The following ELFN2 variants were observed in gnomAD, a reference collection of about 807,000 sequenced individuals.
ELFN2 encodes the protein protein phosphatase 1 regulatory subunit 29.
A neutral mutation model predicts 45.5 loss-of-function variants in ELFN2; 17 were observed. The ratio of observed to expected loss-of-function variants is 0.37; its 90% CI spans 0.26 to 0.56. The LOEUF (loss-of-function observed/expected upper bound fraction) is 0.56, where lower values mean the gene tolerates loss of function less well. Ranked by LOEUF, ELFN2 falls within the 20% of genes least tolerant of loss-of-function variation. ELFN2 has a pLI of 0.77. For synonymous variants in ELFN2, 550 were observed against 551.5 expected (o/e 1.00, Z 0.04); for missense variants, 922 against 1,183.2 (o/e 0.78, Z 3.24).
Position 37,372,786 on chromosome 22 carries a change from C to T in ELFN2, c.*286G>A. 1 of 360,958 alleles carries T rather than the reference C, an allele frequency of 2.8e-6. No homozygotes were observed. Among genetic ancestry groups the T allele is most frequent in the Non-Finnish European group, 5.1e-6 (1 of 197,588 alleles). The allele number at this position is 360,958 out of a possible 1,614,324, so 22.4% of individuals were successfully genotyped here. A position where few individuals can be genotyped will look rare whatever the true frequency, so the allele number is the denominator to read the frequency against. ...GCCAGCCCCCCGGCCCTGCACACCC[C>T]AGCAGAGTCCCTGGGCAGCACAGTA... On this transcript the variant is annotated 3_prime_UTR_variant, in exon 3 of 3. Coordinates refer to ENST00000402918, the MANE Select transcript of ELFN2 (RefSeq NM_052906.5). The surrounding 1 kb of genome is among the most constrained non-coding windows in gnomAD (Gnocchi z 4.4).
chr22:37,417,208 C>T lies in ELFN2; in HGVS notation c.-463+561G>A, dbSNP rs527594439. ...TTCTGCCTGCCTGTCTGCCTGTTTGCGGCCTCCTAGTGCCAGACGGCTCTC... is the reference window on the plus strand; with the variant it reads ...TTCTGCCTGCCTGTCTGCCTGTTTGTGGCCTCCTAGTGCCAGACGGCTCTC... On this transcript the variant is annotated intron_variant, in intron 2 of 2. Coordinates refer to ENST00000402918, the MANE Select transcript of ELFN2 (RefSeq NM_052906.5). The surrounding 1 kb of genome is among the most constrained non-coding windows in gnomAD (Gnocchi z 4.5). 1.0e-3 allele frequency among the ~76,000 whole-genome samples: 156 copies of T among 152,278 alleles called. No individual in the cohort carries two copies. The highest frequency in any genetic ancestry group is 3.5e-3 in the African/African-American group (145 of 41,574).
At chr22:37,366,208 T>A (rs149391382), downstream of ELFN2, among the ~76,000 whole-genome samples, 1 of 152,194 alleles carries the variant, frequency 6.6e-6, no homozygotes, top group African/African-American at 2.4e-5. Context: ...AAAACATGCA[T>A]GTTAAATGTG....
intron 1 of ELFN2, among the ~76,000 whole-genome samples, chr22:37,351,186 C>T (rs546518977): frequency 6.7e-6 from 1 of 149,308 alleles, no homozygotes; most frequent in South Asian, 2.1e-4. Flanking sequence ...TCCTCCCAGT[C>T]CTTCTCCCAT....
At position 37,371,635 on chromosome 22, in the gene ELFN2, A is replaced by G. The variant is rs1266470483; in HGVS notation, c.*1437T>C. ...CTCACCACCCTCTGCCACCGCCTAC[A>G]TGGACAGAGAACCCCAGAGCCCAAC... On this transcript the variant is annotated 3_prime_UTR_variant, in exon 3 of 3. Transcript: ENST00000402918. This position sits in a 1 kb window ranked among gnomAD's most constrained non-coding sequence, Gnocchi z 6.4. 3 of 152,616 alleles carry G rather than the reference A, an allele frequency of 2.0e-5. No individual in the cohort carries two copies. Among genetic ancestry groups the G allele is most frequent in the Non-Finnish European group, 4.4e-5 (3 of 68,144 alleles). 9.5% of individuals were successfully genotyped at this position (152,616 alleles called of 1,614,324 possible).
intron 2 of ELFN2, among the ~76,000 whole-genome samples, chr22:37,396,338 CCCA>C (rs1449035026): frequency 6.6e-6 from 1 of 152,178 alleles, no homozygotes; most frequent in African/African-American, 2.4e-5. Flanking sequence ...GGGCTGTGTC[CCCA>C]CCATGTCCCC....
intron 2 of ELFN2, among the ~76,000 whole-genome samples, chr22:37,391,917 C>T (rs908629232): frequency 3.9e-5 from 6 of 152,204 alleles, no homozygotes; most frequent in East Asian, 1.9e-4. Context: ...CTGGCCCTCG[C>T]GTGGCTGGGT....
chr22:37,348,782 G>T (rs1930754057), intron 1 of ELFN2, among the ~76,000 whole-genome samples: 2 of 150,632 alleles, frequency 1.3e-5, no homozygotes, highest in Non-Finnish European at 3.0e-5. Context: ...GGGGAAGGTG[G>T]GAGAGGACAT....
intron 1 of ELFN2, among the ~76,000 whole-genome samples, chr22:37,426,352 G>A (rs1224710483): frequency 1.5e-5 from 2 of 135,294 alleles, no homozygotes; most frequent in South Asian, 2.3e-4. Flanking sequence ...ACACGCGCGC[G>A]CGCGCACACA....
At chr22:37,397,711 G>A (rs767262311) in intron 2 of ELFN2, among the ~76,000 whole-genome samples, 5 of 152,182 alleles carry the variant, frequency 3.3e-5, no homozygotes, top group South Asian at 4.1e-4. Flanking sequence ...GCAAGCAGCC[G>A]ACCTGAACCC....
At chr22:37,395,914 C>A (rs931272446) in intron 2 of ELFN2, among the ~76,000 whole-genome samples, 2 of 152,186 alleles carry the variant, frequency 1.3e-5, no homozygotes, top group African/African-American at 4.8e-5. Context: ...GCACCACAGA[C>A]CCAACAGGAA....
rs1392284833 is a variant in ELFN2 at position 37,375,117 on chromosome 22, C to G, written c.418G>C (p.Glu140Gln). 1 of 1,613,786 alleles carries G rather than the reference C, an allele frequency of 6.2e-7. No individual in the cohort carries two copies. Among genetic ancestry groups the G allele is most frequent in the African/African-American group, 1.3e-5 (1 of 75,030 alleles). The part of the protein sequence containing the change: ...QFLFVQHNLI[E>Q]VVTPTAFSEC... ...GAGAAGGCGGTGGGCGTCACCACCT[C>G]GATGAGGTTGTGCTGGACAAAGAGG... The change falls in exon 3 of 3, where the codon GAG becomes CAG. Residue 140 changes from glutamate (E) to glutamine (Q), a missense_variant. This residue lies in a region of ELFN2 where 358 missense variants were observed against 540.4 expected (regional missense o/e 0.66). Transcript: ENST00000402918.
chr22:37,374,743 G>T lies in ELFN2; in HGVS notation c.792C>A (p.Asp264Glu), dbSNP rs144621009. Reference sequence around the variant, plus strand: ...AGTTCTCGTCTGGCTCCCTCTGGGCGTCGGTGGAGTAGGGCGTGGGGTGGC... The same window carrying T: ...AGTTCTCGTCTGGCTCCCTCTGGGCTTCGGTGGAGTAGGGCGTGGGGTGGC... ...PVSHPTPYSTDAQREPDENSG... is the reference protein window; with the variant it reads ...PVSHPTPYSTEAQREPDENSG... The change falls in exon 3 of 3, where the codon GAC (aspartate) becomes GAA (glutamate). Residue 264 changes from aspartate to glutamate, a missense_variant. By Grantham distance (45) the Asp-to-Glu change is conservative (BLOSUM62 2). Coordinates refer to ENST00000402918, the MANE Select transcript of ELFN2 (RefSeq NM_052906.5). 6.2e-7 allele frequency: 1 copy of T among 1,611,226 alleles called. No homozygotes were observed. The highest frequency in any genetic ancestry group is 8.5e-7 in the Non-Finnish European group (1 of 1,179,046).
At chr22:37,378,193 G>A (rs1489282542) in intron 2 of ELFN2, among the ~76,000 whole-genome samples, 1 of 152,242 alleles carries the variant, frequency 6.6e-6, no homozygotes, top group East Asian at 1.9e-4. Context: ...TCAGCTTCGG[G>A]GGCATGTGCT....
At position 37,373,988 on chromosome 22, in the gene ELFN2, C is replaced by T. The variant is rs746549719; in HGVS notation, c.1547G>A (p.Arg516Gln). The part of the protein sequence containing the change: ...RTGAGGDGLA[R>Q]PEDDLPDLEN... The stretch of plus-strand genomic sequence containing the variant: ...GAGGTCCGGGAGGTCATCCTCGGGC[C>T]GAGCCAGACCGTCCCCGCCGGCGCC... The change falls in exon 3 of 3, where the codon CGG (arginine) becomes CAG (glutamine). Residue 516 changes from arginine (R) to glutamine (Q), a missense_variant. Physicochemically the swap from Arg to Gln is conservative, Grantham distance 43. Coordinates refer to ENST00000402918, the MANE Select transcript of ELFN2 (RefSeq NM_052906.5). 16 of 1,612,874 alleles carry T rather than the reference C, an allele frequency of 9.9e-6. No individual in the cohort carries two copies. The highest frequency in any genetic ancestry group is 2.7e-5 in the African/African-American group (2 of 74,942).
chr22:37,347,585 C>T (rs1930727487), intron 1 of ELFN2, among the ~76,000 whole-genome samples: 1 of 152,008 alleles, frequency 6.6e-6, no homozygotes, highest in Non-Finnish European at 1.5e-5. Flanking sequence ...TAGATAAACA[C>T]ACTGCCCCAA....
chr22:37,417,780 A>T lies in ELFN2; in HGVS notation c.-474T>A, dbSNP rs116857456. ...GACCCTGTCCTTACCAGATGTCTGC[A>T]GCAGAGGAGGCCCCTCCGGCACTGT... On this transcript the variant is annotated 5_prime_UTR_variant, in exon 2 of 3. Coordinates refer to ENST00000402918, the MANE Select transcript of ELFN2 (RefSeq NM_052906.5). This position sits in a 1 kb window ranked among gnomAD's most constrained non-coding sequence, Gnocchi z 4.5. The T allele has an allele frequency of 4.6e-3, 708 of 152,846 alleles. 27 individuals carry two copies. In the East Asian group the frequency reaches 0.1, roughly 22 times the overall value. The allele number at this position is 152,846 out of a possible 1,614,324, so 9.5% of individuals were successfully genotyped here.
chr22:37,363,035 T>C (rs1240851304), downstream of ELFN2, among the ~76,000 whole-genome samples: 1 of 152,148 alleles, frequency 6.6e-6, no homozygotes, highest in East Asian at 1.9e-4. Context: ...GAGGTACCGA[T>C]TCATTCCCTC....
chr22:37,367,727 G>A (rs1474239201), downstream of ELFN2, among the ~76,000 whole-genome samples: 8 of 152,170 alleles, frequency 5.3e-5, no homozygotes, highest in African/African-American at 7.2e-5. Context: ...CCCATCAGAC[G>A]GCGCAGTGTC....
chr22:37,410,548 C>T (rs1458755406), intron 2 of ELFN2, among the ~76,000 whole-genome samples: 1 of 152,172 alleles, frequency 6.6e-6, no homozygotes, highest in Non-Finnish European at 1.5e-5. Flanking sequence ...AGGTCAGCTG[C>T]CATCTCAGCC....
Sources: allele counts gnomAD v4.1 joint callset (sites outside exome capture counted in the v4.1 genomes callset), GRCh38; gene constraint gnomAD v4.1.1; regional missense constraint gnomAD v4.1.1; non-coding constraint Gnocchi (gnomAD v3.1); transcripts MANE v1.5; gene names NCBI Gene and HGNC (gene_info 2026-07-23, HGNC 2026-07-21).